Variants in NAALADL2 observed in about 807,000 individuals in gnomAD.
The protein encoded by NAALADL2 is N-acetylated alpha-linked acidic dipeptidase like 2, also known as inactive N-acetylated-alpha-linked acidic dipeptidase-like protein 2.
In NAALADL2, 76 loss-of-function variants were observed where a neutral mutation model predicts 87.2. That is an observed-to-expected ratio of 0.87 (90% confidence interval 0.72 to 1.05). NAALADL2 has a LOEUF of 1.05. NAALADL2 is among the 50% of genes least tolerant of loss of function. The pLI is 0.00. For missense variants in NAALADL2, 1,089 were observed against 945.8 expected (o/e 1.15, Z -1.99); for synonymous variants, 354 against 331.0 (o/e 1.07, Z -0.75).
At chr3:175,775,122 T>C (rs1750044308) in intron 13 of NAALADL2, 1 of 149,758 alleles carries the variant, frequency 6.7e-6, no homozygotes, top group African/African-American at 2.5e-5. Flanking sequence ...AAATTCTCCA[T>C]TACCCCAACT....
chr3:175,677,812 G>C (rs1247799663), intron 11 of NAALADL2, among the ~76,000 whole-genome samples: 4 of 152,156 alleles, frequency 2.6e-5, no homozygotes, highest in Non-Finnish European at 5.9e-5. Context: ...TGAATTTAAT[G>C]ATTATAGATG....
intron 1 of NAALADL2, among the ~76,000 whole-genome samples, chr3:175,011,113 T>C (rs1267028322): frequency 3.9e-5 from 6 of 152,144 alleles, no homozygotes; most frequent in African/African-American, 1.4e-4. Flanking sequence ...TTCCAGAAAC[T>C]GACTTTTTTC....
At chr3:174,463,173 A>T (rs138627907) in intron 1 of NAALADL2, among the ~76,000 whole-genome samples, 21 of 152,330 alleles carry the variant, frequency 1.4e-4, no homozygotes, top group African/African-American at 4.1e-4. Flanking sequence ...GATCCTGCAG[A>T]GAATCAAGCA....
At chr3:175,582,468 A>C (rs986257376) in intron 10 of NAALADL2, among the ~76,000 whole-genome samples, 1 of 152,218 alleles carries the variant, frequency 6.6e-6, no homozygotes, top group African/African-American at 2.4e-5. Context: ...TCTTGTGATC[A>C]TCTTTGTTAT....
At position 174,751,862 on chromosome 3, in the gene NAALADL2, G is replaced by A. The variant is rs906338603; in HGVS notation, c.-9+14116G>A. ...GACTTTAGAGATTATGTATGTATGT[G>A]TGTGTGTGTGTGTGCGCGTGCGCAA... On this transcript the variant is annotated intron_variant, in intron 3 of 3. Transcript: ENST00000434257. Among the ~76,000 whole-genome samples the A allele has an allele frequency of 1.7e-4, 26 of 151,614 alleles. 1 individual carries two copies. The highest frequency in any genetic ancestry group is 1.4e-3 in the Admixed American group (21 of 15,242).
At chr3:174,955,600 G>A (rs1398563533) in intron 1 of NAALADL2, among the ~76,000 whole-genome samples, 1 of 152,066 alleles carries the variant, frequency 6.6e-6, no homozygotes. Context: ...CTTTGCTAGA[G>A]GGAGTGGTAT....
intron 1 of NAALADL2, among the ~76,000 whole-genome samples, chr3:174,491,743 C>T (rs1433584546): frequency 6.6e-6 from 1 of 152,114 alleles, no homozygotes; most frequent in African/African-American, 2.4e-5. Flanking sequence ...TCTAATATTT[C>T]ATGATTACTT....
chr3:174,992,340 A>G (rs1004359544), intron 1 of NAALADL2, among the ~76,000 whole-genome samples: 8 of 152,046 alleles, frequency 5.3e-5, no homozygotes, highest in Non-Finnish European at 8.8e-5. Flanking sequence ...GAAGCAACGT[A>G]ATTTCTTGAG....
At chr3:175,096,021 G>A (rs1268051592) in intron 1 of NAALADL2, among the ~76,000 whole-genome samples, 1 of 152,036 alleles carries the variant, frequency 6.6e-6, no homozygotes, top group Non-Finnish European at 1.5e-5. Context: ...CTGTAGCAAG[G>A]TTATGAAACC....
chr3:174,995,978 A>C (rs1479158407), intron 1 of NAALADL2, among the ~76,000 whole-genome samples: 1 of 152,188 alleles, frequency 6.6e-6, no homozygotes, highest in African/African-American at 2.4e-5. Flanking sequence ...GAGTCAGGAA[A>C]TCAGGGAAAG....
chr3:175,487,158 C>A (rs1727395380), intron 9 of NAALADL2, among the ~76,000 whole-genome samples: 1 of 152,150 alleles, frequency 6.6e-6, no homozygotes, highest in African/African-American at 2.4e-5. Context: ...ACTACTCTCC[C>A]CTTTGCTCAC....
At chr3:174,515,128 A>G (rs1719863095) in intron 1 of NAALADL2, among the ~76,000 whole-genome samples, 2 of 152,172 alleles carry the variant, frequency 1.3e-5, no homozygotes, top group African/African-American at 4.8e-5. Context: ...CAAGTTCTAA[A>G]GGAGAGAAAA....
intron 1 of NAALADL2, among the ~76,000 whole-genome samples, chr3:174,903,830 C>T (rs1251879307): frequency 6.6e-6 from 1 of 151,630 alleles, no homozygotes; most frequent in African/African-American, 2.4e-5. Flanking sequence ...AAAACTTTTT[C>T]ACAGTCATTT....
chr3:174,734,489 G>A (rs550818781), intron 2 of NAALADL2, among the ~76,000 whole-genome samples: 3 of 152,240 alleles, frequency 2.0e-5, no homozygotes, highest in East Asian at 3.9e-4. Flanking sequence ...CTTGCAGATC[G>A]TCTCCTTCTT....
intron 4 of NAALADL2, among the ~76,000 whole-genome samples, chr3:175,300,382 AC>A: frequency 6.6e-6 from 1 of 151,980 alleles, no homozygotes. Context: ...TCCTCTTTGT[AC>A]CTCTGGTAGA....
intron 6 of NAALADL2, among the ~76,000 whole-genome samples, chr3:175,461,419 G>C (rs1005799770): frequency 3.9e-5 from 6 of 152,052 alleles, no homozygotes; most frequent in Admixed American, 2.6e-4. Context: ...AGACAGAAAA[G>C]TTCTCCAAGT....
At chr3:174,953,760 T>C (rs982834272) in intron 1 of NAALADL2, among the ~76,000 whole-genome samples, 1 of 152,006 alleles carries the variant, frequency 6.6e-6, no homozygotes, top group African/African-American at 2.4e-5. Context: ...GGTTACCACA[T>C]GACTCCCAGA....
intron 2 of NAALADL2, among the ~76,000 whole-genome samples, chr3:175,190,170 A>G (rs1737935215): frequency 6.6e-6 from 1 of 151,922 alleles, no homozygotes; most frequent in Non-Finnish European, 1.5e-5. Flanking sequence ...TATATATTAC[A>G]TGAAAACTTC....
At chr3:175,259,843 T>C (rs902018458) in intron 4 of NAALADL2, among the ~76,000 whole-genome samples, 2 of 152,070 alleles carry the variant, frequency 1.3e-5, no homozygotes, top group African/African-American at 4.8e-5. Context: ...GCCTGGCCAA[T>C]ATGGCAAAAC....
Sources: gnomAD v4.1 joint callset for allele counts (sites outside exome capture counted in the v4.1 genomes callset) on GRCh38, gnomAD v4.1.1 for gene constraint, MANE v1.5 for transcripts, NCBI Gene and HGNC (gene_info 2026-07-23, HGNC 2026-07-21) for gene names.